GFRA2: variants seen among roughly 807,000 people sequenced by gnomAD.
GFRA2 encodes the protein GDNF family receptor alpha 2, also known as GDNF family receptor alpha-2.
A neutral mutation model predicts 48.3 loss-of-function variants in GFRA2; 17 were observed. The ratio of observed to expected loss-of-function variants is 0.35; its 90% CI spans 0.24 to 0.53. The LOEUF is 0.53. GFRA2 is among the 20% of genes least tolerant of loss of function. The pLI, the probability that GFRA2 is intolerant of heterozygous loss-of-function variation, is 0.93. For synonymous variants in GFRA2, 305 were observed against 257.2 expected (o/e 1.19, Z -1.78); for missense variants, 660 against 637.3 (o/e 1.04, Z -0.38).
chr8:21,707,638 C>T (rs1019825344), intron 4 of GFRA2, among the ~76,000 whole-genome samples: 1 of 152,216 alleles, frequency 6.6e-6, no homozygotes, highest in Non-Finnish European at 1.5e-5. Flanking sequence ...TCTGCCCTAA[C>T]TCACTGGGAG....
At chr8:21,782,988 G>T in intron 1 of GFRA2, 89 bp from the exon 2 acceptor site, 1 of 1,263,254 alleles carries the variant, frequency 7.9e-7, no homozygotes, top group Non-Finnish European at 1.1e-6. Context: ...GGCCCTGCTG[G>T]GAACGTCACA....
At position 21,691,099 on chromosome 8, in the gene GFRA2, C is replaced by G. The variant is rs1215766415; in HGVS notation, c.*2179G>C. 1 of 152,164 alleles carries G rather than the reference C, an allele frequency of 6.6e-6. No individual in the cohort carries two copies. The allele number at this position is 152,164 out of a possible 1,614,324, so 9.4% of individuals were successfully genotyped here. ...CCAGAAGCAAAAGCCATTGAGGGGA[C>G]CTGCGATTGGGAGATGGGAAAACTG... On this transcript the variant is annotated 3_prime_UTR_variant, in exon 9 of 9. Transcript: ENST00000524240.
intron 4 of GFRA2, among the ~76,000 whole-genome samples, chr8:21,732,075 GC>G (rs1266251858): frequency 6.6e-6 from 1 of 152,252 alleles, no homozygotes; most frequent in African/African-American, 2.4e-5. Context: ...CAATGCAGGG[GC>G]GAGTGAACAT....
At chr8:21,760,208 T>C (rs934827660) in intron 3 of GFRA2, among the ~76,000 whole-genome samples, 12 of 152,174 alleles carry the variant, frequency 7.9e-5, no homozygotes, top group Non-Finnish European at 1.2e-4. Context: ...TCAGATTTTA[T>C]TCTAAAATGC....
chr8:21,776,326 A>C (rs1806705625), intron 2 of GFRA2, among the ~76,000 whole-genome samples: 1 of 151,498 alleles, frequency 6.6e-6, no homozygotes, highest in Non-Finnish European at 1.5e-5. Flanking sequence ...CCCAGAGGAC[A>C]AGGAGGAAGC....
At chr8:21,696,492 A>C (rs1312163102) in intron 7 of GFRA2, among the ~76,000 whole-genome samples, 1 of 152,128 alleles carries the variant, frequency 6.6e-6, no homozygotes, top group African/African-American at 2.4e-5. Flanking sequence ...GGGCCTGCAC[A>C]ATGTGCTGTG....
chr8:21,710,108 T>C (rs1041973647), intron 4 of GFRA2, among the ~76,000 whole-genome samples: 3 of 152,182 alleles, frequency 2.0e-5, no homozygotes, highest in Non-Finnish European at 4.4e-5. Flanking sequence ...AGTGGGTATC[T>C]GTCGCATGGC....
intron 2 of GFRA2, among the ~76,000 whole-genome samples, chr8:21,802,461 C>T (rs1470130341): frequency 2.6e-5 from 4 of 152,216 alleles, no homozygotes; most frequent in African/African-American, 9.6e-5. Flanking sequence ...CTCAAGTGAT[C>T]CTCCCACCTC....
At chr8:21,749,018 T>C (rs568137837) in intron 4 of GFRA2, among the ~76,000 whole-genome samples, 12 of 152,154 alleles carry the variant, frequency 7.9e-5, no homozygotes, top group Non-Finnish European at 1.8e-4. Context: ...GATGCCCCTC[T>C]CCTGTGCTCT....
chr8:21,783,040 C>T, intron 1 of GFRA2, 141 bp from the exon 2 acceptor site: 1 of 787,372 alleles, frequency 1.3e-6, no homozygotes, highest in Non-Finnish European at 2.2e-6. Flanking sequence ...TGTGGGACAG[C>T]CCTCCTCATA....
chr8:21,715,679 G>C (rs1803296833), intron 4 of GFRA2, among the ~76,000 whole-genome samples: 1 of 152,208 alleles, frequency 6.6e-6, no homozygotes, highest in Non-Finnish European at 1.5e-5. Context: ...CTGGCCTAGA[G>C]ATAAGGAAAT....
At chr8:21,809,033 C>A (rs1466429014) in intron 1 of GFRA2, among the ~76,000 whole-genome samples, 1 of 152,178 alleles carries the variant, frequency 6.6e-6, no homozygotes, top group Non-Finnish European at 1.5e-5. Context: ...ATCTCATTTC[C>A]TCCTTGGGGC....
chr8:21,754,305 T>C (rs1008282436), intron 3 of GFRA2, among the ~76,000 whole-genome samples: 2 of 152,158 alleles, frequency 1.3e-5, no homozygotes, highest in Non-Finnish European at 2.9e-5. Flanking sequence ...TAAATGTATT[T>C]AGGCCAGTGT....
At chr8:21,779,649 T>A (rs1311074944) in intron 2 of GFRA2, 3 of 152,222 alleles carry the variant, frequency 2.0e-5, no homozygotes, top group African/African-American at 4.8e-5. Context: ...TGCAGTACCC[T>A]CAGGACAGTA....
intron 6 of GFRA2, among the ~76,000 whole-genome samples, chr8:21,703,714 C>A (rs1802599424): frequency 1.3e-5 from 2 of 152,194 alleles, no homozygotes; most frequent in African/African-American, 4.8e-5. Flanking sequence ...CCTGCACAAG[C>A]ACTGGCAGCC....
At chr8:21,790,093 TACAATAA>T, upstream of GFRA2, 2 of 985,342 alleles carry the variant, frequency 2.0e-6, no homozygotes, top group Non-Finnish European at 1.2e-6. Context: ...TCGCAGAATT[TACAATAA>T]ACGCCCAGAA....
intron 4 of GFRA2, among the ~76,000 whole-genome samples, chr8:21,722,555 A>G (rs926404917): frequency 6.6e-6 from 1 of 152,194 alleles, no homozygotes; most frequent in African/African-American, 2.4e-5. Flanking sequence ...CACAGAATAC[A>G]GCATCCAGGG....
intron 7 of GFRA2, among the ~76,000 whole-genome samples, chr8:21,702,191 C>T (rs778189817): frequency 5.3e-5 from 8 of 152,174 alleles, no homozygotes; most frequent in Non-Finnish European, 1.0e-4. Context: ...AACAGCACCT[C>T]AGCTCCAATC....
At chr8:21,769,753 G>C (rs1298081664) in intron 3 of GFRA2, among the ~76,000 whole-genome samples, 3 of 152,184 alleles carry the variant, frequency 2.0e-5, no homozygotes, top group Non-Finnish European at 2.9e-5. Context: ...GTGGCAGTGA[G>C]CACCATGATA....
Sources: allele counts gnomAD v4.1 joint callset (sites outside exome capture counted in the v4.1 genomes callset), GRCh38; gene constraint gnomAD v4.1.1; transcripts MANE v1.5; gene names NCBI Gene and HGNC (gene_info 2026-07-23, HGNC 2026-07-21).